STIM2: variants seen among roughly 807,000 people sequenced by gnomAD.
The protein encoded by STIM2 is stromal interaction molecule 2.
A neutral mutation model predicts 85.8 loss-of-function variants in STIM2; 31 were observed. That is an observed-to-expected ratio of 0.36 (90% CI 0.27 to 0.49). The LOEUF (loss-of-function observed/expected upper bound fraction) is 0.49, where lower values mean the gene tolerates loss of function less well. STIM2 is among the 20% of genes least tolerant of loss of function. The pLI is 0.98. For synonymous variants in STIM2, 356 were observed against 331.1 expected, an observed-to-expected ratio of 1.08 and a Z score of -0.82; for missense variants, 841 against 927.6, an observed-to-expected ratio of 0.91 and a Z score of 1.21.
intron 1 of STIM2, among the ~76,000 whole-genome samples, chr4:26,877,105 C>G (rs900654194): frequency 1.3e-5 from 2 of 152,022 alleles, no homozygotes; most frequent in East Asian, 1.9e-4. Flanking sequence ...TTTGCTTTCT[C>G]TATTCTCCCT....
At chr4:26,899,095 T>G (rs1242626573) in intron 1 of STIM2, among the ~76,000 whole-genome samples, 1 of 152,058 alleles carries the variant, frequency 6.6e-6, no homozygotes, top group Non-Finnish European at 1.5e-5. Context: ...TATAGATTAT[T>G]TATCAAGATT....
intron 3 of STIM2, among the ~76,000 whole-genome samples, chr4:26,972,973 G>A (rs1406193893): frequency 6.6e-6 from 1 of 152,172 alleles, no homozygotes; most frequent in Non-Finnish European, 1.5e-5. Flanking sequence ...TCTTGGGAGG[G>A]TGTATGCATC....
Position 26,860,948 on chromosome 4 carries a change from A to G in STIM2, c.-271A>G. 1 of 1,198,552 alleles carries G rather than the reference A, an allele frequency of 8.3e-7. No homozygotes were observed. The highest frequency in any genetic ancestry group is 1.7e-5 in the African/African-American group (1 of 57,144). 74.2% of individuals were successfully genotyped at this position (1,198,552 alleles called of 1,614,324 possible). A position where few individuals can be genotyped will look rare whatever the true frequency, so the allele number is the denominator to read the frequency against. The stretch of plus-strand genomic sequence containing the variant: ...CCTTTTTTTTTTTTTTTTTTAAATA[A>G]CCGGAACCAATGAACGCAGCCGGGA... On this transcript the variant is annotated 5_prime_UTR_variant, in exon 1 of 12. Coordinates refer to ENST00000467087, the MANE Select transcript of STIM2 (RefSeq NM_020860.4).
At chr4:26,957,313 G>A (rs977531540) in intron 2 of STIM2, among the ~76,000 whole-genome samples, 25 of 152,086 alleles carry the variant, frequency 1.6e-4, no homozygotes, top group African/African-American at 6.0e-4. Context: ...CAGATAAGGA[G>A]GGGGTGACTG....
intron 2 of STIM2, among the ~76,000 whole-genome samples, chr4:26,945,792 G>GT (rs1725814302): frequency 2.0e-5 from 3 of 151,772 alleles, no homozygotes; most frequent in African/African-American, 7.3e-5. Flanking sequence ...TTTTTAATGG[G>GT]GTTTTTTTTT....
intron 10 of STIM2, among the ~76,000 whole-genome samples, chr4:27,009,305 T>C (rs1209818602): frequency 6.6e-6 from 1 of 152,212 alleles, no homozygotes; most frequent in Non-Finnish European, 1.5e-5. Flanking sequence ...AACATTATAT[T>C]GTTGAATATA....
At chr4:27,015,541 A>C (rs912877356) in intron 10 of STIM2, among the ~76,000 whole-genome samples, 6 of 151,826 alleles carry the variant, frequency 4.0e-5, no homozygotes, top group African/African-American at 1.4e-4. Context: ...AAAATACTTT[A>C]TTTTCAGTCT....
intron 1 of STIM2, among the ~76,000 whole-genome samples, chr4:26,887,655 A>C (rs533933520): frequency 6.6e-6 from 1 of 152,318 alleles, no homozygotes; most frequent in Non-Finnish European, 1.5e-5. Flanking sequence ...AAGACCCTGT[A>C]TTAGGGTTCT....
intron 1 of STIM2, among the ~76,000 whole-genome samples, chr4:26,900,118 CTG>C (rs1322559063): frequency 2.0e-5 from 3 of 152,124 alleles, no homozygotes; most frequent in African/African-American, 7.2e-5. Flanking sequence ...CCTTTGAAAT[CTG>C]TGTGAGTCCC....
At chr4:26,933,240 T>C (rs1725267136) in intron 2 of STIM2, among the ~76,000 whole-genome samples, 1 of 152,130 alleles carries the variant, frequency 6.6e-6, no homozygotes, top group Non-Finnish European at 1.5e-5. Context: ...TTTTCATATC[T>C]GTTCTTATGA....
chr4:26,944,239 T>C (rs1439213320), intron 2 of STIM2, among the ~76,000 whole-genome samples: 2 of 152,218 alleles, frequency 1.3e-5, no homozygotes, highest in Non-Finnish European at 2.9e-5. Context: ...TCTCCATCCC[T>C]TTAAAGATAA....
At chr4:27,015,096 G>A (rs972812448) in intron 10 of STIM2, among the ~76,000 whole-genome samples, 2 of 151,570 alleles carry the variant, frequency 1.3e-5, no homozygotes, top group South Asian at 2.1e-4. Flanking sequence ...GTTTTATTTT[G>A]TATCCTATTT....
chr4:26,965,702 A>G (rs1560222469), intron 3 of STIM2, among the ~76,000 whole-genome samples: 1 of 149,622 alleles, frequency 6.7e-6, no homozygotes, highest in Admixed American at 6.6e-5. Context: ...TGTTTTGGAG[A>G]TTTTGGATCA....
chr4:26,942,499 T>C (rs532280617), intron 2 of STIM2, among the ~76,000 whole-genome samples: 1 of 152,256 alleles, frequency 6.6e-6, no homozygotes, highest in Non-Finnish European at 1.5e-5. Context: ...GTACTGTTTC[T>C]CTCCTCTTGT....
chr4:26,876,502 C>G (rs1261465230), intron 1 of STIM2, among the ~76,000 whole-genome samples: 1 of 152,054 alleles, frequency 6.6e-6, no homozygotes, highest in Non-Finnish European at 1.5e-5. Context: ...TCCAGTTACT[C>G]TAACATAAAA....
At chr4:26,980,902 A>G (rs1386461745) in intron 3 of STIM2, among the ~76,000 whole-genome samples, 1 of 152,206 alleles carries the variant, frequency 6.6e-6, no homozygotes, top group Non-Finnish European at 1.5e-5. Flanking sequence ...GAGATTACAT[A>G]TTAGAAGCTT....
chr4:26,885,573 G>GT (rs1257689432), intron 1 of STIM2, among the ~76,000 whole-genome samples: 1 of 151,884 alleles, frequency 6.6e-6, no homozygotes, highest in African/African-American at 2.4e-5. Context: ...AATCTTGATG[G>GT]TATGAAGGAT....
intron 3 of STIM2, among the ~76,000 whole-genome samples, chr4:26,975,185 A>T (rs1727134274): frequency 6.6e-6 from 1 of 152,108 alleles, no homozygotes; most frequent in African/African-American, 2.4e-5. Flanking sequence ...GGGTTCGAAC[A>T]TCCTGCATTA....
intron 1 of STIM2, among the ~76,000 whole-genome samples, chr4:26,880,264 C>G (rs1722955523): frequency 6.6e-6 from 1 of 152,106 alleles, no homozygotes; most frequent in Non-Finnish European, 1.5e-5. Context: ...ATTGTTCCTT[C>G]TCATCTTTTT....
Sources: allele counts gnomAD v4.1 joint callset (sites outside exome capture counted in the v4.1 genomes callset), GRCh38; gene constraint gnomAD v4.1.1; transcripts MANE v1.5; gene names NCBI Gene and HGNC (gene_info 2026-07-23, HGNC 2026-07-21).